Variants in LILRB5 observed in about 807,000 individuals in gnomAD.
The protein encoded by LILRB5 is leukocyte immunoglobulin-like receptor subfamily B member 5.
A neutral mutation model predicts 68.4 loss-of-function variants in LILRB5; 61 were observed. The ratio of observed to expected loss-of-function variants is 0.89; its 90% CI spans 0.73 to 1.10. LILRB5 has a LOEUF of 1.10. Ranked by LOEUF, LILRB5 falls within the 50% of genes least tolerant of loss-of-function variation. The pLI is 0.00. For synonymous variants in LILRB5, 356 were observed against 315.8 expected, an observed-to-expected ratio of 1.13 and a Z score of -1.35; for missense variants, 771 against 751.6, an observed-to-expected ratio of 1.03 and a Z score of -0.30.
intron 7 of LILRB5, 139 bp downstream of exon 7, chr19:54,254,226 C>A (rs2079047220): frequency 2.1e-6 from 3 of 1,450,632 alleles, no homozygotes; most frequent in Non-Finnish European, 2.8e-6. Flanking sequence ...GAGCCTGTGG[C>A]CCCTCCTCTG....
At chr19:54,251,313 C>T (rs527764925) in intron 12 of LILRB5, 38 of 796,946 alleles carry the variant, frequency 4.8e-5, no homozygotes, top group South Asian at 2.4e-4. Context: ...AGGGTCTGGC[C>T]GCTCCCTCCC....
At chr19:54,255,647 C>T (rs2079115820) in intron 4 of LILRB5, 65 bp from the exon 5 acceptor site, 1 of 1,497,642 alleles carries the variant, frequency 6.7e-7, no homozygotes. Flanking sequence ...CTTCTCCCGT[C>T]CTGGCGTCCT....
At position 54,255,542 on chromosome 19, in the gene LILRB5, A is replaced by G. The variant is rs2079109377; in HGVS notation, c.696T>C (p.Ser232=). ...RKPSLLIPQG[S]VVARGGSLTL... ...TCAGGCTGCCTCCGCGGGCCACGAC[A>G]GAGCCCTGCGGGATCAGGAGGGAGG... The change falls in exon 5 of 13, where the codon TCT becomes TCC. Residue 232 remains serine (S), a synonymous_variant. Coordinates refer to ENST00000449561, the MANE Select transcript of LILRB5 (RefSeq NM_001081442.3). 3.1e-6 allele frequency: 5 copies of G among 1,613,854 alleles called. No homozygotes were observed. Among genetic ancestry groups the G allele is most frequent in the Non-Finnish European group, 4.2e-6 (5 of 1,179,936 alleles).
chr19:54,255,361 A>G lies in LILRB5; in HGVS notation c.877T>C (p.Tyr293His). ...AGGTTGTGTGCACCGTAGCATCTGT[A>G]CTGGCCCCCGTGGGAGCGGCTCACA... ...GPVSRSHGGQ[Y>H]RCYGAHNLSP... The change falls in exon 5 of 13, where the codon TAC (tyrosine) becomes CAC (histidine). Residue 293 changes from tyrosine (Y) to histidine (H), a missense_variant. Transcript: ENST00000449561. 6.2e-7 allele frequency: 1 copy of G among 1,613,948 alleles called. No homozygotes were observed. Among genetic ancestry groups the G allele is most frequent in the Non-Finnish European group, 8.5e-7 (1 of 1,179,976 alleles).
rs2079147389 is a variant in LILRB5, at chr19:54,256,485, T to C, written c.355+4A>G. ...GGGGCTGGGACCCCTGAGTGTCCTC[T>C]CACCTGTCGCCACCAGCTCCAGGGG... On this transcript the variant is annotated splice_donor_region_variant and intron_variant, in intron 3 of 12. Transcript: ENST00000449561. 6.2e-6 allele frequency: 10 copies of C among 1,613,754 alleles called. No homozygotes were observed. Among genetic ancestry groups the C allele is most frequent in the Non-Finnish European group, 8.5e-6 (10 of 1,179,942 alleles).
Position 54,255,405 on chromosome 19 carries a change from G to A in LILRB5, c.833C>T (p.Ala278Val), listed in dbSNP as rs760247998. The A allele has an allele frequency of 2.5e-6, 4 of 1,614,108 alleles. No homozygotes were observed. The highest frequency in any genetic ancestry group is 1.6e-4 in the Middle Eastern group (1 of 6,062). ...GQQPQAGLSQ[A>V]NFTLGPVSRS... ...GCTCACAGGGCCCAGGGTGAAGTTG[G>A]CCTGGGAGAGCCCAGCCTGGGGCTG... The change falls in exon 5 of 13, where the codon GCC becomes GTC. Residue 278 changes from alanine (A) to valine (V), a missense_variant. Coordinates refer to ENST00000449561, the MANE Select transcript of LILRB5 (RefSeq NM_001081442.3).
chr19:54,255,605 A>G (rs1192589309), intron 4 of LILRB5, 23 bp from the exon 5 acceptor site: 1 of 1,604,716 alleles, frequency 6.2e-7, no homozygotes. Flanking sequence ...AGGAATTGGG[A>G]CTTGGAAGGC....
chr19:54,254,554 G>T (rs2079058338), intron 6 of LILRB5, 139 bp from the exon 7 acceptor site: 1 of 1,268,370 alleles, frequency 7.9e-7, no homozygotes. Context: ...GGGGCCAAGT[G>T]TGGGCATGCC....
chr19:54,252,416 A>C lies in LILRB5; in HGVS notation c.1539-13T>G. ...AACTGGGCTGGCCCTGGGGGAGGAC[A>C]CGGGAGTGTGAGGGGCAGTGAGGGG... On this transcript the variant is annotated splice_polypyrimidine_tract_variant and intron_variant, in intron 10 of 12. Transcript: ENST00000449561. The C allele has an allele frequency of 1.2e-6, 2 of 1,614,124 alleles. No homozygotes were observed. The highest frequency in any genetic ancestry group is 1.7e-6 in the Non-Finnish European group (2 of 1,180,010).
At chr19:54,256,887 C>A (rs1848582635) in intron 2 of LILRB5, 74 bp downstream of exon 2, 10 of 1,610,924 alleles carry the variant, frequency 6.2e-6, no homozygotes, top group Non-Finnish European at 6.8e-6. Flanking sequence ...GCTATCTCCA[C>A]CCCCAGCTGC....
intron 11 of LILRB5, 63 bp from the exon 12 acceptor site, chr19:54,252,169 C>T: frequency 6.3e-7 from 1 of 1,576,438 alleles, no homozygotes; most frequent in Non-Finnish European, 8.7e-7. Flanking sequence ...TCCGTCCTGC[C>T]AGCCCTTGCC....
Position 54,252,506 on chromosome 19 carries a change from C to T in LILRB5, c.1518G>A (p.Lys506=), listed in dbSNP as rs773627488. 4.3e-6 allele frequency: 7 copies of T among 1,614,026 alleles called. No homozygotes were observed. Among genetic ancestry groups the T allele is most frequent in the Non-Finnish European group, 5.9e-6 (7 of 1,180,034 alleles). ...ATTACCTCTTCTGCAGGCCCTGGTC[C>T]TTGGGCTCTGGCCCCGCAGCCCCTG... ...RPAGAAGPEP[K]DQGLQKRASP... Residue 506 remains lysine (K), a synonymous_variant, in exon 10 of 13, where the codon AAG becomes AAA. Coordinates refer to ENST00000449561, the MANE Select transcript of LILRB5 (RefSeq NM_001081442.3).
rs200679739 is a variant in LILRB5 at position 54,251,999 on chromosome 19, G to A, written c.1629+55C>T. The A allele has an allele frequency of 1.0e-3, 1,549 of 1,529,180 alleles. 16 individuals are homozygous for A. The highest frequency in any genetic ancestry group is 2.5e-3 in the Middle Eastern group (12 of 4,720). 94.7% of individuals were successfully genotyped at this position (1,529,180 alleles called of 1,614,324 possible). A position where few individuals can be genotyped will look rare whatever the true frequency, so the allele number is the denominator to read the frequency against. On this transcript the variant is annotated intron_variant, in intron 12 of 12. Coordinates refer to ENST00000449561, the MANE Select transcript of LILRB5 (RefSeq NM_001081442.3). ...GAAGGAGGACAGAGAAGTCCTGCTG[G>A]ATTAGATCTGGCACCAGGAGGCCTT...
At chr19:54,255,943 C>T (rs2079125433) in intron 4 of LILRB5, 100 bp downstream of exon 4, 2 of 1,010,214 alleles carry the variant, frequency 2.0e-6, no homozygotes, top group African/African-American at 1.6e-5. Flanking sequence ...TCCATCAACA[C>T]ATCCTTCTGG....
At position 54,254,043 on chromosome 19, in the gene LILRB5, G is replaced by T; in HGVS notation, c.1332C>A (p.Thr444=). 6.3e-7 allele frequency: 1 copy of T among 1,597,838 alleles called. No individual in the cohort carries two copies. The highest frequency in any genetic ancestry group is 8.5e-7 in the Non-Finnish European group (1 of 1,171,974). ...CACTCTGGGGATCCAACCCCGTGGGGGTGAGGGGCTGGTCCTCAGGGCCTG... is the reference window on the plus strand; with the variant it reads ...CACTCTGGGGATCCAACCCCGTGGGTGTGAGGGGCTGGTCCTCAGGGCCTG... The part of the protein sequence containing the change: ...TPAGPEDQPL[T]PTGLDPQSGL... Residue 444 remains threonine (T), a synonymous_variant, in exon 8 of 13, where the codon ACC becomes ACA. Transcript: ENST00000449561.
At chr19:54,255,113 C>A in intron 5 of LILRB5, 76 bp from the exon 6 acceptor site, 2 of 1,482,878 alleles carry the variant, frequency 1.3e-6, no homozygotes, top group Non-Finnish European at 1.8e-6. Context: ...TCTCTAGGAG[C>A]CTCTGTCTCT....
chr19:54,252,825 G>A (rs773878996), intron 9 of LILRB5, 46 bp downstream of exon 9: 7 of 1,531,920 alleles, frequency 4.6e-6, no homozygotes, highest in South Asian at 2.3e-5. Flanking sequence ...CTGGTGCCCC[G>A]AGCCCACCCT....
rs753473406 is a variant in LILRB5 at position 54,255,409 on chromosome 19, G to C, written c.829C>G (p.Gln277Glu). The C allele has an allele frequency of 1.2e-5, 20 of 1,614,046 alleles. No individual in the cohort carries two copies. The highest frequency in any genetic ancestry group is 1.6e-5 in the Non-Finnish European group (19 of 1,180,028). Residue 277 changes from glutamine to glutamate, a missense_variant, in exon 5 of 13, where the codon CAG becomes GAG. By Grantham distance (29) the Gln-to-Glu change is conservative. Transcript: ENST00000449561. Reference protein sequence around the residue: ...SGQQPQAGLSQANFTLGPVSR... With the variant: ...SGQQPQAGLSEANFTLGPVSR... ...ACAGGGCCCAGGGTGAAGTTGGCCT[G>C]GGAGAGCCCAGCCTGGGGCTGCTGG... is the stretch of plus-strand genomic sequence containing the variant.
chr19:54,251,415 C>A lies in LILRB5; in HGVS notation c.1630-483G>T, dbSNP rs2078949289. 6.8e-6 allele frequency: 4 copies of A among 585,562 alleles called. 1 individual carries two copies. The highest frequency in any genetic ancestry group is 3.1e-6 in the Non-Finnish European group (1 of 325,178). 36.3% of individuals were successfully genotyped at this position (585,562 alleles called of 1,614,324 possible). On this transcript the variant is annotated intron_variant, in intron 12 of 12. Transcript: ENST00000449561. ...GCAAGAGCTCGCTGCTGCCTCGGGG[C>A]CTTTGCACGGCTGTTTCCTCTGCCT...
Sources: gnomAD v4.1 joint callset for allele counts on GRCh38, gnomAD v4.1.1 for gene constraint, MANE v1.5 for transcripts, NCBI Gene and HGNC (gene_info 2026-07-23, HGNC 2026-07-21) for gene names.